Variants in CNTN5 observed in about 807,000 individuals in gnomAD.
CNTN5 encodes the protein contactin-5.
Under a neutral mutation model 129.1 loss-of-function variants are expected in CNTN5, and 77 were observed. The observed-to-expected ratio is 0.60, with a 90% CI of 0.50 to 0.72. CNTN5 has a LOEUF of 0.72. Ranked by LOEUF, CNTN5 falls within the 30% of genes least tolerant of loss-of-function variation. The pLI is 0.00. For missense variants in CNTN5, 1,478 were observed against 1,328.8 expected, an observed-to-expected ratio of 1.11 and a Z score of -1.75; for synonymous variants, 509 against 465.6, an observed-to-expected ratio of 1.09 and a Z score of -1.20.
At chr11:99,995,116 G>A (rs1050342593) in intron 8 of CNTN5, among the ~76,000 whole-genome samples, 1 of 152,308 alleles carries the variant, frequency 6.6e-6, no homozygotes, top group Middle Eastern at 3.4e-3. Context: ...AGACTGGAAA[G>A]TAATTGAGGG....
chr11:100,355,608 A>G (rs1952504893), intron 24 of CNTN5, among the ~76,000 whole-genome samples: 1 of 78,100 alleles, frequency 1.3e-5, no homozygotes, highest in Non-Finnish European at 3.1e-5. Flanking sequence ...CGTGAGTAAC[A>G]TATTGCATTA....
At chr11:99,659,288 G>C (rs577791321) in intron 3 of CNTN5, among the ~76,000 whole-genome samples, 12 of 152,266 alleles carry the variant, frequency 7.9e-5, no homozygotes, top group African/African-American at 2.9e-4. Flanking sequence ...AAGATGTGGA[G>C]AGATCCAATG....
chr11:99,555,452 GA>G (rs1156907494), intron 2 of CNTN5, among the ~76,000 whole-genome samples: 3 of 151,502 alleles, frequency 2.0e-5, no homozygotes, highest in Non-Finnish European at 4.4e-5. Context: ...ATCATTCAGG[GA>G]AAAAAAGGAA....
chr11:100,252,835 T>C (rs957625761), intron 16 of CNTN5, among the ~76,000 whole-genome samples: 5 of 152,160 alleles, frequency 3.3e-5, no homozygotes, highest in African/African-American at 1.2e-4. Flanking sequence ...TTCCATGTAA[T>C]TGGACTGACA....
chr11:99,347,305 A>G (rs1273842022), intron 2 of CNTN5, among the ~76,000 whole-genome samples: 1 of 152,214 alleles, frequency 6.6e-6, no homozygotes, highest in African/African-American at 2.4e-5. Flanking sequence ...GATTATTATT[A>G]TCAAAGGGTA....
At chr11:99,626,799 G>A (rs1337758409) in intron 3 of CNTN5, among the ~76,000 whole-genome samples, 1 of 152,034 alleles carries the variant, frequency 6.6e-6, no homozygotes, top group African/African-American at 2.4e-5. Context: ...ACAGTGAAAC[G>A]ATACTCAAGG....
chr11:99,332,453 G>C lies in CNTN5; in HGVS notation c.-71+6969G>C, dbSNP rs572558233. 6.6e-5 allele frequency among the ~76,000 whole-genome samples: 10 copies of C among 152,168 alleles called. No homozygotes were observed. In the South Asian group the frequency reaches 1.2e-3, roughly 19 times the overall value. On this transcript the variant is annotated intron_variant, in intron 2 of 24. Coordinates refer to ENST00000524871, the MANE Select transcript of CNTN5 (RefSeq NM_014361.4). Reference sequence around the variant, plus strand: ...GTGCCCCGATAATGTCTTCCACATAGTGCATTTTAAACTAATATTTGAAGA... The same window carrying C: ...GTGCCCCGATAATGTCTTCCACATACTGCATTTTAAACTAATATTTGAAGA...
At chr11:99,858,628 A>G (rs12798507) in intron 6 of CNTN5, among the ~76,000 whole-genome samples, 149,906 of 149,906 alleles carry the variant, frequency 1, 74,953 homozygotes, top group Non-Finnish European at 1. Flanking sequence ...TTCTGTGGCA[A>G]AAGTTTTATT....
intron 10 of CNTN5, among the ~76,000 whole-genome samples, chr11:100,069,191 C>T (rs914318511): frequency 6.6e-6 from 1 of 152,066 alleles, no homozygotes; most frequent in Non-Finnish European, 1.5e-5. Flanking sequence ...CTCACTCTGT[C>T]ACCCAAAGTG....
chr11:99,279,088 T>A (rs932557319), intron 1 of CNTN5, among the ~76,000 whole-genome samples: 2 of 151,836 alleles, frequency 1.3e-5, no homozygotes, highest in South Asian at 2.1e-4. Flanking sequence ...ACTCTATCCT[T>A]GCCACTCTAA....
intron 1 of CNTN5, among the ~76,000 whole-genome samples, chr11:99,251,939 T>C (rs1331455742): frequency 6.6e-6 from 1 of 151,996 alleles, no homozygotes; most frequent in African/African-American, 2.4e-5. Context: ...AAATCATAAC[T>C]TTTTAGATCC....
chr11:99,062,508 A>G (rs1339340551), intron 1 of CNTN5, among the ~76,000 whole-genome samples: 4 of 152,110 alleles, frequency 2.6e-5, no homozygotes, highest in African/African-American at 9.7e-5. Context: ...ACCACTCTCT[A>G]CATATAGGTC....
chr11:99,704,347 T>C (rs1410599674), intron 3 of CNTN5, among the ~76,000 whole-genome samples: 1 of 150,990 alleles, frequency 6.6e-6, no homozygotes, highest in Non-Finnish European at 1.5e-5. Context: ...TTAAAAGCCA[T>C]GTTGACTTTT....
intron 7 of CNTN5, among the ~76,000 whole-genome samples, chr11:99,940,935 A>G (rs1243730909): frequency 6.6e-6 from 1 of 152,130 alleles, no homozygotes; most frequent in East Asian, 1.9e-4. Flanking sequence ...ATAATTAATG[A>G]AAAAACAAGG....
At chr11:99,552,408 A>G (rs913811284) in intron 2 of CNTN5, among the ~76,000 whole-genome samples, 3 of 152,164 alleles carry the variant, frequency 2.0e-5, no homozygotes, top group Admixed American at 2.0e-4. Flanking sequence ...GGAGAAAAAG[A>G]TAACTAAGAT....
intron 2 of CNTN5, among the ~76,000 whole-genome samples, chr11:99,325,820 A>C (rs1422418748): frequency 6.6e-6 from 1 of 152,194 alleles, no homozygotes; most frequent in Non-Finnish European, 1.5e-5. Context: ...CAGTACTCAG[A>C]TATAGCCTCC....
At chr11:99,140,902 T>TC (rs1341661077) in intron 1 of CNTN5, among the ~76,000 whole-genome samples, 1 of 151,506 alleles carries the variant, frequency 6.6e-6, no homozygotes, top group Non-Finnish European at 1.5e-5. Context: ...TTCTAGTATT[T>TC]TTTTTTTGAG....
chr11:100,276,454 C>T (rs896493230), intron 18 of CNTN5, among the ~76,000 whole-genome samples: 9 of 147,612 alleles, frequency 6.1e-5, no homozygotes, highest in Non-Finnish European at 8.9e-5. Flanking sequence ...CATGAGAACC[C>T]GGGAGGCAGA....
chr11:100,159,468 T>A (rs1262714110), intron 13 of CNTN5, among the ~76,000 whole-genome samples: 4 of 151,982 alleles, frequency 2.6e-5, no homozygotes, highest in Admixed American at 2.0e-4. Flanking sequence ...TGGCTGTTTA[T>A]ACTTCTGCTG....
Sources: allele counts gnomAD v4.1 joint callset (sites outside exome capture counted in the v4.1 genomes callset), GRCh38; gene constraint gnomAD v4.1.1; transcripts MANE v1.5; gene names NCBI Gene and HGNC (gene_info 2026-07-23, HGNC 2026-07-21).